Variants in PTPRT observed in about 807,000 individuals in gnomAD.
PTPRT encodes the protein protein tyrosine phosphatase receptor type T.
Under a neutral mutation model 176.8 loss-of-function variants are expected in PTPRT, and 56 were observed. The observed-to-expected ratio is 0.32, with a 90% CI of 0.26 to 0.40. PTPRT has a LOEUF of 0.40. Among genes scored for constraint, PTPRT ranks in the 10% least tolerant of loss-of-function variants. The probability of loss-of-function intolerance (pLI) is 1.00; values close to 1 mark genes in which losing one functional copy is unlikely to be tolerated. For synonymous variants in PTPRT, 783 were observed against 739.0 expected, an observed-to-expected ratio of 1.06 and a Z score of -0.96; for missense variants, 1,540 against 1,908.2, an observed-to-expected ratio of 0.81 and a Z score of 3.60.
At chr20:43,015,802 C>T (rs754960105) in intron 1 of PTPRT, among the ~76,000 whole-genome samples, 7 of 152,114 alleles carry the variant, frequency 4.6e-5, no homozygotes, top group Admixed American at 6.5e-5. Context: ...CCAATGCAAC[C>T]TCCCTAGCTT....
At chr20:42,105,470 C>T (rs1244871557) in intron 24 of PTPRT, among the ~76,000 whole-genome samples, 3 of 152,140 alleles carry the variant, frequency 2.0e-5, no homozygotes, top group African/African-American at 7.2e-5. Flanking sequence ...TTTAATGTTT[C>T]ATTCTTTCTG....
chr20:42,488,000 G>T (rs565273702), intron 7 of PTPRT, among the ~76,000 whole-genome samples: 1 of 152,222 alleles, frequency 6.6e-6, no homozygotes, highest in Admixed American at 6.5e-5. Context: ...ATGTAGATTG[G>T]AATGTGTTCT....
chr20:42,584,333 C>A (rs774659020), intron 7 of PTPRT, among the ~76,000 whole-genome samples: 29 of 152,300 alleles, frequency 1.9e-4, no homozygotes, highest in East Asian at 7.7e-4. Flanking sequence ...CATGGCTGAA[C>A]CTGCTCCAGC....
chr20:42,721,377 G>A (rs923206204), intron 6 of PTPRT, among the ~76,000 whole-genome samples: 3 of 152,208 alleles, frequency 2.0e-5, no homozygotes, highest in Non-Finnish European at 2.9e-5. Context: ...GGCCTCATGT[G>A]ATGGGAGGAT....
At chr20:42,569,082 ATAT>A (rs1407693673) in intron 7 of PTPRT, among the ~76,000 whole-genome samples, 13 of 28,612 alleles carry the variant, frequency 4.5e-4, no homozygotes, top group Admixed American at 1.1e-3. Flanking sequence ...AAAAAAAAAA[ATAT>A]ATATATATAT....
chr20:42,401,689 A>G (rs2058909455), intron 9 of PTPRT, among the ~76,000 whole-genome samples: 1 of 152,160 alleles, frequency 6.6e-6, no homozygotes, highest in Non-Finnish European at 1.5e-5. Context: ...AAATGGGGTT[A>G]GCAGAGAGGA....
chr20:42,828,755 A>C (rs6030505), intron 2 of PTPRT, among the ~76,000 whole-genome samples: 14,897 of 152,260 alleles, frequency 0.098, 796 homozygotes, highest in African/African-American at 0.14. Flanking sequence ...GAGGGTGCAC[A>C]TAAGTTAAGA....
At chr20:42,805,798 T>C (rs1269590573) in intron 2 of PTPRT, among the ~76,000 whole-genome samples, 1 of 152,192 alleles carries the variant, frequency 6.6e-6, no homozygotes, top group Non-Finnish European at 1.5e-5. Flanking sequence ...GCATCACTTT[T>C]ATAGTATAGA....
chr20:42,788,512 A>C (rs1388885420), intron 3 of PTPRT, among the ~76,000 whole-genome samples: 1 of 152,114 alleles, frequency 6.6e-6, no homozygotes, highest in East Asian at 1.9e-4. Flanking sequence ...GCTGGGGGAA[A>C]AGCAAAGGAA....
At chr20:42,952,567 G>C (rs988420659) in intron 1 of PTPRT, among the ~76,000 whole-genome samples, 15 of 152,194 alleles carry the variant, frequency 9.9e-5, no homozygotes, top group Admixed American at 9.8e-4. Flanking sequence ...ATGGGAATAA[G>C]TACCTTCTTC....
intron 7 of PTPRT, among the ~76,000 whole-genome samples, chr20:42,674,004 T>A (rs907461846): frequency 5.3e-5 from 8 of 152,170 alleles, no homozygotes; most frequent in Non-Finnish European, 1.2e-4. Flanking sequence ...AATTATACCT[T>A]CCACTCTACA....
chr20:43,092,562 C>A (rs1051541245), intron 1 of PTPRT, among the ~76,000 whole-genome samples: 3 of 152,206 alleles, frequency 2.0e-5, no homozygotes, highest in Admixed American at 2.0e-4. Flanking sequence ...CCCAAACATA[C>A]GATGGAATCA....
intron 1 of PTPRT, among the ~76,000 whole-genome samples, chr20:42,930,641 C>T (rs1312973017): frequency 1.3e-5 from 2 of 151,990 alleles, no homozygotes; most frequent in Non-Finnish European, 2.9e-5. Flanking sequence ...GGCCACCATG[C>T]CTGGCTTTTT....
intron 1 of PTPRT, among the ~76,000 whole-genome samples, chr20:43,065,996 G>A (rs962144940): frequency 4.6e-5 from 7 of 152,142 alleles, no homozygotes; most frequent in African/African-American, 9.7e-5. Context: ...TGTCAGCTCT[G>A]TATATACCCC....
chr20:42,401,892 CT>C (rs2145706371), intron 9 of PTPRT, among the ~76,000 whole-genome samples: 1 of 152,288 alleles, frequency 6.6e-6, no homozygotes, highest in South Asian at 2.1e-4. Context: ...TTTGTAACTG[CT>C]GCTTTGCTGG....
intron 6 of PTPRT, among the ~76,000 whole-genome samples, chr20:42,734,924 G>A (rs2076516128): frequency 6.6e-6 from 1 of 152,182 alleles, no homozygotes; most frequent in Admixed American, 6.5e-5. Context: ...CAAGCCACAT[G>A]GCCAAGCTCA....
chr20:42,324,981 C>T (rs2145414460), intron 11 of PTPRT, among the ~76,000 whole-genome samples: 1 of 152,296 alleles, frequency 6.6e-6, no homozygotes, highest in Non-Finnish European at 1.5e-5. Context: ...GTCTTTTATA[C>T]ATTTATTCAT....
intron 9 of PTPRT, among the ~76,000 whole-genome samples, chr20:42,406,259 CA>C (rs1361537862): frequency 6.6e-6 from 1 of 151,644 alleles, no homozygotes; most frequent in Non-Finnish European, 1.5e-5. Context: ...TAAATAAAAT[CA>C]AAGGTCGTCC....
intron 1 of PTPRT, among the ~76,000 whole-genome samples, chr20:42,987,001 T>C (rs1983621896): frequency 6.6e-6 from 1 of 152,148 alleles, no homozygotes; most frequent in South Asian, 2.1e-4. Context: ...TGACTCCCGC[T>C]TCAGCGGTTC....
Sources: allele counts gnomAD v4.1 joint callset (sites outside exome capture counted in the v4.1 genomes callset), GRCh38; gene constraint gnomAD v4.1.1; transcripts MANE v1.5; gene names NCBI Gene and HGNC (gene_info 2026-07-23, HGNC 2026-07-21).